The following SLIT3 variants were observed in gnomAD, a reference collection of about 807,000 sequenced individuals.
SLIT3 encodes the protein slit guidance ligand 3.
A neutral mutation model predicts 184.0 loss-of-function variants in SLIT3; 68 were observed. The observed-to-expected ratio is 0.37, with a 90% CI of 0.30 to 0.45. The LOEUF (loss-of-function observed/expected upper bound fraction) is 0.45, where lower values mean the gene tolerates loss of function less well. SLIT3 is among the 20% of genes least tolerant of loss of function. The pLI is 1.00. For synonymous variants in SLIT3, 831 were observed against 828.6 expected, an observed-to-expected ratio of 1.00 and a Z score of -0.05; for missense variants, 1,707 against 2,026.0, an observed-to-expected ratio of 0.84 and a Z score of 3.02.
intron 7 of SLIT3, among the ~76,000 whole-genome samples, chr5:168,820,205 C>G (rs1310628744): frequency 6.6e-6 from 1 of 152,170 alleles, no homozygotes; most frequent in Admixed American, 6.5e-5. Context: ...GGTGTGACAG[C>G]AACGACACAA....
At chr5:168,985,353 T>A (rs138120953) in intron 4 of SLIT3, among the ~76,000 whole-genome samples, 123 of 152,318 alleles carry the variant, frequency 8.1e-4, no homozygotes, top group Middle Eastern at 3.4e-3. Flanking sequence ...TGGATCGTCA[T>A]ATGAGATTGG....
intron 20 of SLIT3, among the ~76,000 whole-genome samples, chr5:168,740,530 T>A (rs191790009): frequency 6.6e-6 from 1 of 152,222 alleles, no homozygotes; most frequent in Non-Finnish European, 1.5e-5. Flanking sequence ...AAAGCTTGCA[T>A]TGGAAACCCT....
chr5:168,840,245 G>A (rs1356503924), intron 6 of SLIT3, among the ~76,000 whole-genome samples: 2 of 152,144 alleles, frequency 1.3e-5, no homozygotes, highest in Admixed American at 1.3e-4. Context: ...ATGTGTTTCT[G>A]TTATCTGTGG....
intron 6 of SLIT3, among the ~76,000 whole-genome samples, chr5:168,842,481 TTTTTTTG>T (rs1306671614): frequency 2.7e-5 from 4 of 146,770 alleles, no homozygotes; most frequent in African/African-American, 1.0e-4. Context: ...TTTTTTTTTT[TTTTTTTG>T]TATCTGAGTA....
intron 20 of SLIT3, among the ~76,000 whole-genome samples, chr5:168,743,140 A>G (rs1376514941): frequency 1.3e-5 from 2 of 152,204 alleles, no homozygotes; most frequent in Non-Finnish European, 2.9e-5. Context: ...GGCAGATCAA[A>G]GCAACTCTGG....
intron 4 of SLIT3, among the ~76,000 whole-genome samples, chr5:169,121,095 T>C (rs529582821): frequency 6.6e-6 from 1 of 152,258 alleles, no homozygotes; most frequent in South Asian, 2.1e-4. Context: ...AGGGCCAGGA[T>C]TATAACCTAG....
At chr5:168,923,911 G>A (rs1267306302) in intron 4 of SLIT3, among the ~76,000 whole-genome samples, 3 of 152,242 alleles carry the variant, frequency 2.0e-5, no homozygotes, top group Admixed American at 2.0e-4. Context: ...CTGAAATAAA[G>A]GTTACCGGAA....
chr5:169,176,235 C>T (rs2113429889), intron 4 of SLIT3, among the ~76,000 whole-genome samples: 1 of 152,126 alleles, frequency 6.6e-6, no homozygotes, highest in East Asian at 1.9e-4. Flanking sequence ...GGATAAGTCT[C>T]CCCAAGAAAG....
intron 4 of SLIT3, among the ~76,000 whole-genome samples, chr5:168,934,507 T>C (rs1203598980): frequency 2.0e-5 from 3 of 152,204 alleles, no homozygotes; most frequent in African/African-American, 7.2e-5. Context: ...GTGTCTGCCT[T>C]CTGTGGATGT....
chr5:168,749,118 G>A (rs1754606412), intron 19 of SLIT3, among the ~76,000 whole-genome samples: 1 of 152,198 alleles, frequency 6.6e-6, no homozygotes, highest in Non-Finnish European at 1.5e-5. Flanking sequence ...TATCATTTAA[G>A]GGGCACCAAT....
At chr5:169,277,500 A>G (rs970036564) in intron 1 of SLIT3, among the ~76,000 whole-genome samples, 5 of 152,338 alleles carry the variant, frequency 3.3e-5, no homozygotes, top group African/African-American at 1.2e-4. Context: ...GGCCTCCCAA[A>G]GTGCTGGGAT....
At chr5:169,089,664 A>T (rs1759494652) in intron 4 of SLIT3, among the ~76,000 whole-genome samples, 2 of 152,292 alleles carry the variant, frequency 1.3e-5, no homozygotes, top group Admixed American at 1.3e-4. Flanking sequence ...TACCTGTCAG[A>T]TCTCAGCAAA....
chr5:169,221,608 G>C (rs1764621002), intron 3 of SLIT3, among the ~76,000 whole-genome samples: 1 of 152,194 alleles, frequency 6.6e-6, no homozygotes, highest in Non-Finnish European at 1.5e-5. Context: ...TGCTTCTGTT[G>C]CAAGGGTGGG....
intron 4 of SLIT3, among the ~76,000 whole-genome samples, chr5:168,972,345 G>GTA (rs1446741765): frequency 1.3e-5 from 2 of 149,718 alleles, no homozygotes; most frequent in Admixed American, 1.3e-4. Flanking sequence ...ACATGTGTGT[G>GTA]TGTGTGTGTG....
chr5:168,775,827 C>T (rs1310134068), intron 12 of SLIT3, among the ~76,000 whole-genome samples: 2 of 152,114 alleles, frequency 1.3e-5, no homozygotes, highest in African/African-American at 2.4e-5. Context: ...TAGGAAGCTA[C>T]CCTTTGGGTG....
intron 4 of SLIT3, among the ~76,000 whole-genome samples, chr5:169,143,312 C>CAATA (rs1761805618): frequency 6.6e-6 from 1 of 152,268 alleles, no homozygotes; most frequent in Non-Finnish European, 1.5e-5. Context: ...CAAACACCAC[C>CAATA]AATAGATAGA....
At chr5:169,042,670 C>G (rs1352342740) in intron 4 of SLIT3, among the ~76,000 whole-genome samples, 1 of 152,146 alleles carries the variant, frequency 6.6e-6, no homozygotes, top group Non-Finnish European at 1.5e-5. Flanking sequence ...CCTTGGAGCT[C>G]CCTTATATAT....
chr5:169,229,622 G>A (rs779687414), intron 3 of SLIT3, among the ~76,000 whole-genome samples: 5 of 148,114 alleles, frequency 3.4e-5, no homozygotes, highest in Admixed American at 2.7e-4. Flanking sequence ...AATGTAAAGC[G>A]TACTTAGTCA....
chr5:169,110,948 G>A (rs1760389102), intron 4 of SLIT3, among the ~76,000 whole-genome samples: 1 of 152,148 alleles, frequency 6.6e-6, no homozygotes, highest in Non-Finnish European at 1.5e-5. Context: ...ATGGGCTGTG[G>A]TGCCGCACAG....
Sources: gnomAD v4.1 joint callset for allele counts (sites outside exome capture counted in the v4.1 genomes callset) on GRCh38, gnomAD v4.1.1 for gene constraint, MANE v1.5 for transcripts, NCBI Gene and HGNC (gene_info 2026-07-23, HGNC 2026-07-21) for gene names.